SLC8A1: variants seen among roughly 807,000 people sequenced by gnomAD.
SLC8A1 encodes sodium/calcium exchanger 1.
In SLC8A1, 18 loss-of-function variants were observed where a neutral mutation model predicts 68.3. That is an observed-to-expected ratio of 0.26 (90% confidence interval 0.18 to 0.39). The LOEUF (loss-of-function observed/expected upper bound fraction) is 0.39. Ranked by LOEUF, SLC8A1 falls within the 10% of genes least tolerant of loss-of-function variation. The pLI, the probability that SLC8A1 is intolerant of heterozygous loss-of-function variation, is 1.00. For synonymous variants in SLC8A1, 475 were observed against 415.5 expected (o/e 1.14, Z -1.74); for missense variants, 985 against 1,156.7 (o/e 0.85, Z 2.15).
chr2:40,369,893 C>A (rs1471378362), intron 2 of SLC8A1, among the ~76,000 whole-genome samples: 2 of 141,410 alleles, frequency 1.4e-5, no homozygotes, highest in Non-Finnish European at 1.5e-5. Flanking sequence ...AATAAAAAAA[C>A]TGCTTAAATA....
chr2:40,420,539 A>T (rs1695205357), intron 2 of SLC8A1, among the ~76,000 whole-genome samples: 1 of 152,208 alleles, frequency 6.6e-6, no homozygotes, highest in South Asian at 2.1e-4. Flanking sequence ...ATTGTGTGAG[A>T]GAAAAAAGCC....
chr2:40,444,721 T>C (rs1456935344), intron 1 of SLC8A1, among the ~76,000 whole-genome samples: 3 of 152,248 alleles, frequency 2.0e-5, no homozygotes, highest in Admixed American at 6.5e-5. Flanking sequence ...GTGAAAATTA[T>C]GTGATATTCA....
intron 7 of SLC8A1, chr2:40,120,889 C>G (rs985451813): frequency 6.6e-6 from 1 of 152,158 alleles, no homozygotes; most frequent in Admixed American, 6.5e-5. Flanking sequence ...AGACAGATGA[C>G]CATGTTTCAA....
intron 2 of SLC8A1, among the ~76,000 whole-genome samples, chr2:40,240,556 C>G (rs1050192923): frequency 1.3e-5 from 2 of 152,202 alleles, no homozygotes; most frequent in Non-Finnish European, 2.9e-5. Context: ...GGCTGTCTCT[C>G]TATTGTTCAC....
chr2:40,106,778 GAAATAGAAATA>G (rs1171411957), exon 8 of SLC8A1: 1 of 152,166 alleles, frequency 6.6e-6, no homozygotes, highest in African/African-American at 2.4e-5. Context: ...TTCTGTTGAT[GAAATAGAAATA>G]AAACAAAGTC....
rs865831610 is a variant in SLC8A1, at chr2:40,270,205, C to G, written c.1809-92350G>C. ...TATGCCAGGATACTTTCAATTTCTC[C>G]ATCATAGGATCAGGGACCTTCCAGC... On this transcript the variant is annotated intron_variant, in intron 2 of 7. Transcript: ENST00000406785. Among the ~76,000 whole-genome samples, 16 of 152,346 alleles carry G rather than the reference C, an allele frequency of 1.1e-4. No homozygotes were observed. The South Asian group carries it at 1.9e-3, about 18-fold the overall frequency.
chr2:40,473,822 T>G (rs2149905199), intron 1 of SLC8A1, among the ~76,000 whole-genome samples: 1 of 152,330 alleles, frequency 6.6e-6, no homozygotes, highest in South Asian at 2.1e-4. Flanking sequence ...CTCAAGCAAC[T>G]TGGGTAGATA....
chr2:40,360,747 G>C (rs79792147), intron 2 of SLC8A1, among the ~76,000 whole-genome samples: 3,200 of 152,208 alleles, frequency 0.021, 47 homozygotes, highest in African/African-American at 0.037. Context: ...ACCCCTATGA[G>C]ACAGAGCCCA....
chr2:40,206,804 T>C (rs916510051), intron 2 of SLC8A1, among the ~76,000 whole-genome samples: 3 of 151,932 alleles, frequency 2.0e-5, no homozygotes, highest in African/African-American at 7.2e-5. Context: ...CAAAAACAAG[T>C]TTTATAATTG....
At chr2:40,406,032 C>T (rs557265929) in intron 2 of SLC8A1, among the ~76,000 whole-genome samples, 1 of 152,234 alleles carries the variant, frequency 6.6e-6, no homozygotes, top group South Asian at 2.1e-4. Flanking sequence ...ATACAACATC[C>T]TCTTTCTATA....
chr2:40,353,318 A>G (rs1378728464), intron 2 of SLC8A1, among the ~76,000 whole-genome samples: 1 of 152,122 alleles, frequency 6.6e-6, no homozygotes, highest in Admixed American at 6.6e-5. Flanking sequence ...AAAGAGAGCA[A>G]TCTTCCTACA....
At chr2:40,368,523 A>G (rs1676976315) in intron 2 of SLC8A1, among the ~76,000 whole-genome samples, 1 of 152,022 alleles carries the variant, frequency 6.6e-6, no homozygotes, top group African/African-American at 2.4e-5. Context: ...ATTGGGATTT[A>G]CTGATTTTAT....
At chr2:40,385,657 A>G (rs1379337398) in intron 2 of SLC8A1, among the ~76,000 whole-genome samples, 1 of 151,364 alleles carries the variant, frequency 6.6e-6, no homozygotes, top group African/African-American at 2.5e-5. Context: ...AACACTTAAT[A>G]TACCATCTTT....
chr2:40,339,569 G>A (rs1371692380), intron 2 of SLC8A1, among the ~76,000 whole-genome samples: 1 of 152,188 alleles, frequency 6.6e-6, no homozygotes, highest in Non-Finnish European at 1.5e-5. Flanking sequence ...AAGTAAATAA[G>A]TATATACATG....
chr2:40,357,363 G>A (rs1226064506), intron 2 of SLC8A1, among the ~76,000 whole-genome samples: 1 of 151,460 alleles, frequency 6.6e-6, no homozygotes, highest in Non-Finnish European at 1.5e-5. Context: ...CAAATGTGGT[G>A]GTGGGTGCCT....
chr2:40,404,741 C>G (rs755210233), intron 2 of SLC8A1, among the ~76,000 whole-genome samples: 1 of 152,130 alleles, frequency 6.6e-6, no homozygotes, highest in East Asian at 1.9e-4. Flanking sequence ...TGCTTCCTAG[C>G]TTGAAATGCA....
exon 2 of SLC8A1, chr2:40,428,729 G>A (rs879109970): frequency 7.4e-6 from 12 of 1,613,720 alleles, no homozygotes; most frequent in Non-Finnish European, 9.3e-6. Flanking sequence ...AGGCAAGCAA[G>A]TGTAGAAACA....
At chr2:40,305,718 C>T (rs143347071) in intron 2 of SLC8A1, among the ~76,000 whole-genome samples, 1 of 152,180 alleles carries the variant, frequency 6.6e-6, no homozygotes, top group South Asian at 2.1e-4. Context: ...ATCTACTTCA[C>T]TGACATAATT....
intron 1 of SLC8A1, among the ~76,000 whole-genome samples, chr2:40,482,574 G>C (rs1325260998): frequency 6.6e-6 from 1 of 151,938 alleles, no homozygotes; most frequent in Non-Finnish European, 1.5e-5. Context: ...CTATTTTATG[G>C]GATGAAGAAA....
Sources: gnomAD v4.1 joint callset for allele counts (sites outside exome capture counted in the v4.1 genomes callset) on GRCh38, gnomAD v4.1.1 for gene constraint, MANE v1.5 for transcripts, NCBI Gene and HGNC (gene_info 2026-07-23, HGNC 2026-07-21) for gene names.